Variants in GALNT16 observed in about 807,000 individuals in gnomAD.
GALNT16 encodes the protein polypeptide N-acetylgalactosaminyltransferase 16.
In GALNT16, 40 loss-of-function variants were observed where a neutral mutation model predicts 76.1. That is an observed-to-expected ratio of 0.53 (90% CI 0.41 to 0.68). The LOEUF (loss-of-function observed/expected upper bound fraction) is 0.68, where lower values mean the gene tolerates loss of function less well. GALNT16 is among the 30% of genes least tolerant of loss of function. GALNT16 has a pLI of 0.00. For missense variants in GALNT16, 621 were observed against 731.9 expected (o/e 0.85, Z 1.75); for synonymous variants, 276 against 285.2 (o/e 0.97, Z 0.32).
chr14:69,260,136 A>ACACCCCCCCC, upstream of GALNT16: 5 of 113,994 alleles, frequency 4.4e-5, 2 homozygotes, highest in Non-Finnish European at 8.9e-5. Context: ...TCTCCCTATC[A>ACACCCCCCCC]CCCCCCCGCC....
the GALNT16 span, among the ~76,000 whole-genome samples, chr14:69,367,653 AAAAAAAGAAAAAG>A: frequency 4.6e-5 from 7 of 151,624 alleles, no homozygotes; most frequent in Non-Finnish European, 1.0e-4. Context: ...GCAAAAAAAA[AAAAAAAGAAAAAG>A]AAAAAAGAAA....
At chr14:69,386,317 AAT>A in the GALNT16 span, among the ~76,000 whole-genome samples, 1 of 152,234 alleles carries the variant, frequency 6.6e-6, no homozygotes, top group Non-Finnish European at 1.5e-5. Flanking sequence ...CCTGACATGT[AAT>A]AAATATTCAA....
chr14:69,296,732 A>AGATCGATAGATC (rs553412908), intron 1 of GALNT16, among the ~76,000 whole-genome samples: 3 of 75,132 alleles, frequency 4.0e-5, no homozygotes, highest in African/African-American at 1.5e-4. Context: ...GATAGATGAT[A>AGATCGATAGATC]GATAGATAGA....
the GALNT16 span, among the ~76,000 whole-genome samples, chr14:69,373,134 A>G: frequency 1.3e-5 from 2 of 152,208 alleles, no homozygotes; most frequent in South Asian, 2.1e-4. Flanking sequence ...ACAGACACTA[A>G]AAGACTCAAC....
At chr14:69,302,632 A>G (rs2044870544) in intron 1 of GALNT16, among the ~76,000 whole-genome samples, 2 of 152,314 alleles carry the variant, frequency 1.3e-5, no homozygotes, top group South Asian at 4.1e-4. Flanking sequence ...AAGAAACACA[A>G]TTTGAAAGCT....
At chr14:69,346,493 C>G (rs1387464226) in intron 12 of GALNT16, among the ~76,000 whole-genome samples, 8 of 152,094 alleles carry the variant, frequency 5.3e-5, no homozygotes, top group Admixed American at 5.2e-4. Flanking sequence ...AGATTCAGTC[C>G]CACAGCTGTT....
the GALNT16 span, among the ~76,000 whole-genome samples, chr14:69,380,981 A>G: frequency 6.6e-6 from 1 of 152,218 alleles, no homozygotes; most frequent in African/African-American, 2.4e-5. Context: ...TAGTGATTAA[A>G]AAACAACAAC....
At chr14:69,378,166 T>G in the GALNT16 span, among the ~76,000 whole-genome samples, 20,795 of 152,218 alleles carry the variant, frequency 0.14, 1,504 homozygotes, top group East Asian at 0.18. Flanking sequence ...TTGCTGGAAA[T>G]ATATTAAGCC....
At chr14:69,274,510 G>C (rs1459950129) in intron 1 of GALNT16, among the ~76,000 whole-genome samples, 1 of 152,126 alleles carries the variant, frequency 6.6e-6, no homozygotes, top group Non-Finnish European at 1.5e-5. Flanking sequence ...CATATTGTTG[G>C]CAAGTTGGCA....
chr14:69,317,990 T>A (rs1163690690), intron 1 of GALNT16, among the ~76,000 whole-genome samples: 1 of 151,554 alleles, frequency 6.6e-6, no homozygotes, highest in Non-Finnish European at 1.5e-5. Context: ...CCTTCAGAGG[T>A]CATGGAATTG....
chr14:69,331,415 T>C, intron 6 of GALNT16, 49 bp from the exon 7 acceptor site: 1 of 1,064,180 alleles, frequency 9.4e-7, no homozygotes, highest in East Asian at 2.4e-5. Flanking sequence ...CTAGGCCTTT[T>C]TCTGCAGAGA....
chr14:69,259,961 C>A, upstream of GALNT16: 1 of 206,086 alleles, frequency 4.9e-6, no homozygotes, highest in Non-Finnish European at 9.6e-6. Flanking sequence ...CGCGCCGCTT[C>A]CCACTCGGCG....
In GALNT16 at chr14:69,261,409, G is replaced by C. The variant is rs1006118514; in HGVS notation, c.177+942G>C. 4.6e-5 allele frequency among the ~76,000 whole-genome samples: 7 copies of C among 152,178 alleles called. No individual in the cohort carries two copies. The highest frequency in any genetic ancestry group is 1.0e-4 in the Non-Finnish European group (7 of 68,030). On this transcript the variant is annotated intron_variant, in intron 1 of 14. Coordinates refer to ENST00000448469, the MANE Select transcript of GALNT16 (RefSeq NM_001168368.2). The surrounding 1 kb of genome is among the most constrained non-coding windows in gnomAD (Gnocchi z 6.4). ...GCACCCGCCGAGAGTGCGCTCGAGC[G>C]GGCGCATTCTTCCAGACGGGGGCGG... is the stretch of plus-strand genomic sequence containing the variant.
intron 1 of GALNT16, among the ~76,000 whole-genome samples, chr14:69,267,600 C>T (rs111842978): frequency 2.0e-5 from 3 of 152,262 alleles, no homozygotes; most frequent in African/African-American, 7.2e-5. Context: ...GCAGGATTTT[C>T]CTGGCCCCTA....
chr14:69,303,761 C>G (rs933269868), intron 1 of GALNT16, among the ~76,000 whole-genome samples: 1 of 152,136 alleles, frequency 6.6e-6, no homozygotes, highest in African/African-American at 2.4e-5. Flanking sequence ...TTATCCTGCC[C>G]TTTCCTCCCT....
the GALNT16 span, chr14:69,380,767 G>A: frequency 1.7e-5 from 10 of 587,728 alleles, no homozygotes; most frequent in Non-Finnish European, 3.1e-5. Flanking sequence ...TTAATGAAAA[G>A]CTGAAAGAGC....
At chr14:69,272,022 A>G (rs776455196) in intron 1 of GALNT16, among the ~76,000 whole-genome samples, 5 of 152,124 alleles carry the variant, frequency 3.3e-5, no homozygotes, top group Non-Finnish European at 4.4e-5. Flanking sequence ...GTCTGTTTCC[A>G]CTGGGCAGTG....
At chr14:69,384,645 C>T in the GALNT16 span, among the ~76,000 whole-genome samples, 1 of 152,128 alleles carries the variant, frequency 6.6e-6, no homozygotes, top group African/African-American at 2.4e-5. Context: ...CAGAATATAG[C>T]TCTGTAATAT....
intron 1 of GALNT16, among the ~76,000 whole-genome samples, chr14:69,273,467 G>T (rs952343506): frequency 2.6e-5 from 4 of 152,190 alleles, no homozygotes; most frequent in Non-Finnish European, 5.9e-5. Context: ...GGCTATGATC[G>T]ATTAGCCATG....
Sources: allele counts gnomAD v4.1 joint callset (sites outside exome capture counted in the v4.1 genomes callset), GRCh38; gene constraint gnomAD v4.1.1; non-coding constraint Gnocchi (gnomAD v3.1); transcripts MANE v1.5; gene names NCBI Gene and HGNC (gene_info 2026-07-23, HGNC 2026-07-21).